THSD7A: variants seen among roughly 807,000 people sequenced by gnomAD.
The protein encoded by THSD7A is thrombospondin type 1 domain containing 7A, also known as thrombospondin type-1 domain-containing protein 7A.
In THSD7A, 96 loss-of-function variants were observed where a neutral mutation model predicts 231.3. The observed-to-expected ratio is 0.41, with a 90% CI of 0.35 to 0.49. The LOEUF (loss-of-function observed/expected upper bound fraction) is 0.49, where lower values mean the gene tolerates loss of function less well. Ranked by LOEUF, THSD7A falls within the 20% of genes least tolerant of loss-of-function variation. The pLI is 0.05. For synonymous variants in THSD7A, 940 were observed against 743.3 expected, an observed-to-expected ratio of 1.26 and a Z score of -4.30; for missense variants, 2,290 against 2,070.2, an observed-to-expected ratio of 1.11 and a Z score of -2.06.
chr7:11,775,536 C>T (rs147311755), intron 1 of THSD7A, among the ~76,000 whole-genome samples: 7 of 152,148 alleles, frequency 4.6e-5, no homozygotes, highest in African/African-American at 7.2e-5. Flanking sequence ...AATTGTGATG[C>T]GTGCTACAAC....
At chr7:11,821,052 A>C in intron 1 of THSD7A, 1 of 992,332 alleles carries the variant, frequency 1.0e-6, no homozygotes, top group Non-Finnish European at 1.6e-6. Context: ...ATCACGAGCC[A>C]AACCATGTTT....
At chr7:11,523,103 T>C (rs906595920) in intron 6 of THSD7A, among the ~76,000 whole-genome samples, 2 of 152,130 alleles carry the variant, frequency 1.3e-5, no homozygotes, top group African/African-American at 4.8e-5. Flanking sequence ...GAAGACCTAA[T>C]GAAACATAAC....
rs559389570 is a variant in THSD7A, at chr7:11,831,843, A to G, written c.104T>C (p.Leu35Pro). ...GCCCGGGCGTAGCAGCAGCAGCAGG[A>G]GCAGCGGCAGCGGCAGCGGCAGCGG... ...LLPLPLPLPL[L>P]LLLLLRPGAG... The change falls in exon 1 of 28, where the codon CTC becomes CCC. Residue 35 changes from leucine (L) to proline (P), a missense_variant. Physicochemically the swap from Leu to Pro is moderately conservative, Grantham distance 98. Coordinates refer to ENST00000423059, the MANE Select transcript of THSD7A (RefSeq NM_015204.3). The surrounding 1 kb of genome is among the most constrained non-coding windows in gnomAD (Gnocchi z 5.0). 7 of 1,359,968 alleles carry G rather than the reference A, an allele frequency of 5.1e-6. No homozygotes were observed. The highest frequency in any genetic ancestry group is 4.5e-5 in the African/African-American group (3 of 66,570). The allele number at this position is 1,359,968 out of a possible 1,614,324, so 84.2% of individuals were successfully genotyped here.
At chr7:11,763,944 T>C (rs1034929980) in intron 1 of THSD7A, among the ~76,000 whole-genome samples, 1 of 152,208 alleles carries the variant, frequency 6.6e-6, no homozygotes, top group African/African-American at 2.4e-5. Context: ...AAGTAAGTAA[T>C]ATTTTGTAAA....
intron 1 of THSD7A, among the ~76,000 whole-genome samples, chr7:11,669,883 C>T (rs1370708032): frequency 6.6e-6 from 1 of 151,994 alleles, no homozygotes; most frequent in African/African-American, 2.4e-5. Flanking sequence ...ACTTCCAGAG[C>T]TTTGTTGCCT....
intron 2 of THSD7A, among the ~76,000 whole-genome samples, chr7:11,620,360 T>C (rs1483591182): frequency 1.3e-5 from 2 of 152,208 alleles, no homozygotes; most frequent in African/African-American, 2.4e-5. Context: ...TAGATAAATT[T>C]AATTACATGT....
rs1583693067 is a variant in THSD7A at position 11,412,684 on chromosome 7, G to A, written c.3654C>T (p.Asn1218=). The A allele has an allele frequency of 1.2e-6, 2 of 1,613,808 alleles. No homozygotes were observed. Among genetic ancestry groups the A allele is most frequent in the Non-Finnish European group, 1.7e-6 (2 of 1,179,806 alleles). ...TTACATTATAATCATAGTGGTAGCA[G>A]TTTTTGTTCAGGTTACAGGGTTCTT... ...VEKEPCNLNK[N]CYHYDYNVTD... Residue 1218 remains asparagine, a synonymous_variant, in exon 18 of 28, where the codon AAC becomes AAT. Transcript: ENST00000423059.
At chr7:11,481,092 C>T (rs1786404826) in intron 7 of THSD7A, among the ~76,000 whole-genome samples, 2 of 152,214 alleles carry the variant, frequency 1.3e-5, no homozygotes, top group Middle Eastern at 3.4e-3. Context: ...CCCAGTCACA[C>T]AGAAGCCAAA....
intron 18 of THSD7A, 149 bp downstream of exon 18, chr7:11,412,507 T>G (rs1583692777): frequency 1.1e-6 from 1 of 946,304 alleles, no homozygotes; most frequent in East Asian, 2.7e-5. Context: ...TAAGTATTTC[T>G]GTCATTTAAT....
intron 1 of THSD7A, among the ~76,000 whole-genome samples, chr7:11,780,604 A>G (rs1158566091): frequency 6.6e-6 from 1 of 152,204 alleles, no homozygotes; most frequent in Admixed American, 6.5e-5. Context: ...AGATGACTAT[A>G]GCCCCATCTA....
intron 6 of THSD7A, among the ~76,000 whole-genome samples, chr7:11,531,835 C>T (rs1055234181): frequency 2.0e-5 from 3 of 152,136 alleles, no homozygotes; most frequent in African/African-American, 7.2e-5. Flanking sequence ...GAAATATTAA[C>T]TTTTAAGAAA....
chr7:11,537,496 T>G (rs62432832), intron 6 of THSD7A, among the ~76,000 whole-genome samples: 2,489 of 152,182 alleles, frequency 0.016, 32 homozygotes, highest in South Asian at 0.024. Context: ...ATGTGTGGCA[T>G]CTCTCTCTTC....
At chr7:11,549,208 G>A (rs1193315755) in intron 4 of THSD7A, among the ~76,000 whole-genome samples, 1 of 152,196 alleles carries the variant, frequency 6.6e-6, no homozygotes, top group African/African-American at 2.4e-5. Context: ...TCTCATGTCA[G>A]TCAGAATGGC....
At chr7:11,398,978 A>G (rs1783297721) in intron 23 of THSD7A, among the ~76,000 whole-genome samples, 1 of 152,186 alleles carries the variant, frequency 6.6e-6, no homozygotes, top group Non-Finnish European at 1.5e-5. Flanking sequence ...ACTCTAATCT[A>G]TTTAACTAAA....
At chr7:11,414,874 T>TTAGA (rs1384381351) in intron 17 of THSD7A, among the ~76,000 whole-genome samples, 1 of 152,214 alleles carries the variant, frequency 6.6e-6, no homozygotes, top group Non-Finnish European at 1.5e-5. Context: ...GACTTATGTT[T>TTAGA]TAGATAGCTG....
At chr7:11,526,771 A>G (rs933266440) in intron 6 of THSD7A, among the ~76,000 whole-genome samples, 4 of 151,930 alleles carry the variant, frequency 2.6e-5, no homozygotes, top group Admixed American at 2.6e-4. Context: ...ATGATTGTAA[A>G]TTTTCTGAGT....
chr7:11,588,929 T>C (rs1780036754), intron 4 of THSD7A, among the ~76,000 whole-genome samples: 1 of 152,182 alleles, frequency 6.6e-6, no homozygotes, highest in African/African-American at 2.4e-5. Context: ...CCTAAATGAG[T>C]TGACATGCTG....
intron 1 of THSD7A, among the ~76,000 whole-genome samples, chr7:11,811,426 C>A (rs1015677161): frequency 6.6e-6 from 1 of 151,964 alleles, no homozygotes; most frequent in Admixed American, 6.6e-5. Context: ...TACATTGGCC[C>A]GAGATTTAGG....
intron 6 of THSD7A, among the ~76,000 whole-genome samples, chr7:11,513,651 A>G (rs762928521): frequency 3.9e-5 from 6 of 152,200 alleles, no homozygotes; most frequent in Admixed American, 1.3e-4. Flanking sequence ...GAGGACAGGG[A>G]AATAGACAGT....
Sources: gnomAD v4.1 joint callset for allele counts (sites outside exome capture counted in the v4.1 genomes callset) on GRCh38, gnomAD v4.1.1 for gene constraint, Gnocchi (gnomAD v3.1) non-coding constraint, MANE v1.5 for transcripts, NCBI Gene and HGNC (gene_info 2026-07-23, HGNC 2026-07-21) for gene names.